PALM2AKAP2: variants seen among roughly 807,000 people sequenced by gnomAD.
PALM2AKAP2 encodes the protein PALM2-AKAP2 fusion protein.
In PALM2AKAP2, 37 loss-of-function variants were observed where a neutral mutation model predicts 71.5. The observed-to-expected ratio is 0.52, with a 90% CI of 0.40 to 0.68. The LOEUF is 0.68. PALM2AKAP2 is among the 30% of genes least tolerant of loss of function. PALM2AKAP2 has a pLI of 0.00. For synonymous variants in PALM2AKAP2, 468 were observed against 478.8 expected (o/e 0.98, Z 0.29); for missense variants, 1,224 against 1,191.8 (o/e 1.03, Z -0.40).
At chr9:109,812,107 GGGGCAGAAACTGCCAACAGGGAGA>G (rs1310019028) in intron 1 of PALM2AKAP2, among the ~76,000 whole-genome samples, 1 of 151,940 alleles carries the variant, frequency 6.6e-6, no homozygotes, top group Non-Finnish European at 1.5e-5. Flanking sequence ...TCTGGTCATA[GGGGCAGAAACTGCCAACAGGGAGA>G]GGGCAGCTGG....
At chr9:109,760,741 A>G (rs1018011389) in intron 1 of PALM2AKAP2, 17 of 152,224 alleles carry the variant, frequency 1.1e-4, no homozygotes, top group Admixed American at 9.8e-4. Context: ...AGAGGTGTTC[A>G]TTAAATATTG....
At chr9:109,965,883 G>A (rs1216265029) in intron 6 of PALM2AKAP2, among the ~76,000 whole-genome samples, 72 of 152,288 alleles carry the variant, frequency 4.7e-4, no homozygotes, top group Admixed American at 1.4e-3. Flanking sequence ...ACTAAAAGTA[G>A]TCAACGAAGG....
At chr9:109,995,588 G>C (rs1390113177) in intron 6 of PALM2AKAP2, among the ~76,000 whole-genome samples, 1 of 152,188 alleles carries the variant, frequency 6.6e-6, no homozygotes, top group Non-Finnish European at 1.5e-5. Context: ...CATGGCGGCA[G>C]GCAAAGAGAG....
At chr9:109,691,871 C>CACACACATATATATATATATATATAT (rs1564114862) in intron 1 of PALM2AKAP2, among the ~76,000 whole-genome samples, 3 of 52,642 alleles carry the variant, frequency 5.7e-5, no homozygotes, top group Non-Finnish European at 1.1e-4. Flanking sequence ...TATATATACA[C>CACACACATATATATATATATATATAT]ACACACACAC....
chr9:109,942,300 C>A (rs1831389068), intron 6 of PALM2AKAP2, among the ~76,000 whole-genome samples: 1 of 152,194 alleles, frequency 6.6e-6, no homozygotes, highest in Non-Finnish European at 1.5e-5. Context: ...GGACCTGGAA[C>A]ACATTTTAAC....
chr9:110,040,695 C>T (rs756005210), intron 7 of PALM2AKAP2, among the ~76,000 whole-genome samples: 74 of 152,074 alleles, frequency 4.9e-4, no homozygotes, highest in Non-Finnish European at 9.7e-4. Flanking sequence ...AAATAATTTC[C>T]TGTTTTATCC....
chr9:109,821,012 T>C (rs1210458857), intron 1 of PALM2AKAP2, among the ~76,000 whole-genome samples: 1 of 152,202 alleles, frequency 6.6e-6, no homozygotes, highest in Non-Finnish European at 1.5e-5. Context: ...TAACACAGCA[T>C]CCTGATTTCA....
At chr9:110,065,046 G>A (rs1303156812) in intron 1 of PALM2AKAP2, among the ~76,000 whole-genome samples, 1 of 152,184 alleles carries the variant, frequency 6.6e-6, no homozygotes, top group African/African-American at 2.4e-5. Context: ...TGAATGGCTT[G>A]TCCCCATCAG....
intron 1 of PALM2AKAP2, among the ~76,000 whole-genome samples, chr9:109,795,069 G>A (rs1827215060): frequency 6.6e-6 from 1 of 152,188 alleles, no homozygotes; most frequent in Admixed American, 6.5e-5. Context: ...CTTAACTGAA[G>A]TACCATTAAC....
At chr9:110,142,360 T>C (rs894177069) in intron 2 of PALM2AKAP2, among the ~76,000 whole-genome samples, 10 of 152,206 alleles carry the variant, frequency 6.6e-5, no homozygotes, top group African/African-American at 2.4e-4. Flanking sequence ...CCCAAAGTGC[T>C]AGGATTACAG....
chr9:110,057,876 G>A (rs1833880159), intron 1 of PALM2AKAP2, among the ~76,000 whole-genome samples: 1 of 152,170 alleles, frequency 6.6e-6, no homozygotes, highest in South Asian at 2.1e-4. Flanking sequence ...AGGAAGCTCT[G>A]CTTAGAGGAG....
intron 1 of PALM2AKAP2, among the ~76,000 whole-genome samples, chr9:110,120,565 C>T (rs556053426): frequency 8.5e-5 from 13 of 152,304 alleles, no homozygotes; most frequent in African/African-American, 2.2e-4. Flanking sequence ...TGCAGTGGTG[C>T]GATCTCGGCT....
chr9:109,758,949 A>G (rs1170086321), intron 1 of PALM2AKAP2, among the ~76,000 whole-genome samples: 1 of 151,984 alleles, frequency 6.6e-6, no homozygotes, highest in Non-Finnish European at 1.5e-5. Context: ...GAGTATGTTT[A>G]AGCATCTTTT....
At chr9:110,057,389 G>GTT (rs563181651) in intron 1 of PALM2AKAP2, among the ~76,000 whole-genome samples, 8 of 129,834 alleles carry the variant, frequency 6.2e-5, no homozygotes, top group South Asian at 2.4e-4. Context: ...TTGTTTTTTT[G>GTT]TTTTTTTTTT....
In PALM2AKAP2 at chr9:110,137,589, A is replaced by C. The variant is rs777390016; in HGVS notation, c.1619A>C (p.Asp540Ala). ...GTCCTCACTGTGGTCAAGGATGATG[A>C]CCATGGGATTTTGGATCAGTTCTCA... Residue 540 changes from aspartate (D) to alanine (A), a missense_variant, in exon 2 of 4, where the codon GAC (aspartate) becomes GCC (alanine). Asp to Ala is a moderately radical substitution (Grantham distance 126, BLOSUM62 -2). Transcript: ENST00000374525. 3.7e-6 allele frequency: 6 copies of C among 1,614,034 alleles called. No homozygotes were observed. In the Admixed American group the frequency reaches 8.3e-5, roughly 22 times the overall value.
chr9:110,022,014 C>A (rs1753709597), intron 7 of PALM2AKAP2, among the ~76,000 whole-genome samples: 1 of 152,200 alleles, frequency 6.6e-6, no homozygotes, highest in South Asian at 2.1e-4. Flanking sequence ...CTCCAGTTGT[C>A]CAACCAATCT....
At chr9:110,128,080 G>A (rs1835654551) in intron 1 of PALM2AKAP2, 1 of 152,266 alleles carries the variant, frequency 6.6e-6, no homozygotes, top group Non-Finnish European at 1.5e-5. Flanking sequence ...TGGGGAGTTA[G>A]CCTCCCCCAG....
chr9:109,956,220 G>T (rs1018618604), intron 6 of PALM2AKAP2, among the ~76,000 whole-genome samples: 1 of 152,036 alleles, frequency 6.6e-6, no homozygotes, highest in Non-Finnish European at 1.5e-5. Flanking sequence ...GGCCAGGCTG[G>T]TCTCAAACTT....
intron 1 of PALM2AKAP2, among the ~76,000 whole-genome samples, chr9:109,671,141 C>A (rs556599416): frequency 6.6e-6 from 1 of 151,788 alleles, no homozygotes; most frequent in Non-Finnish European, 1.5e-5. Context: ...TCCCACATGT[C>A]ATTTTTTTGC....
Sources: gnomAD v4.1 joint callset for allele counts (sites outside exome capture counted in the v4.1 genomes callset) on GRCh38, gnomAD v4.1.1 for gene constraint, MANE v1.5 for transcripts, NCBI Gene and HGNC (gene_info 2026-07-23, HGNC 2026-07-21) for gene names.